GRID1: variants seen among roughly 807,000 people sequenced by gnomAD.
GRID1 encodes the protein glutamate ionotropic receptor delta type subunit 1, also known as glutamate receptor ionotropic, delta-1.
GRID1 carries 28 observed loss-of-function variants against 98.0 expected under a neutral mutation model. That is an observed-to-expected ratio of 0.29 (90% CI 0.21 to 0.39). The LOEUF is 0.39. Among genes scored for constraint, GRID1 ranks in the 10% least tolerant of loss-of-function variants. The probability of loss-of-function intolerance (pLI) is 1.00; values close to 1 mark genes in which losing one functional copy is unlikely to be tolerated. For missense variants in GRID1, 1,111 were observed against 1,340.5 expected (o/e 0.83, Z 2.67); for synonymous variants, 553 against 538.5 (o/e 1.03, Z -0.37).
intron 5 of GRID1, among the ~76,000 whole-genome samples, chr10:85,884,967 TA>T (rs59697659): frequency 4.0e-5 from 6 of 150,760 alleles, no homozygotes; most frequent in East Asian, 1.9e-4. Flanking sequence ...CATCAGAAAG[TA>T]AAAAAAAAGA....
chr10:86,006,705 T>A (rs1015022002), intron 4 of GRID1, among the ~76,000 whole-genome samples: 7 of 152,122 alleles, frequency 4.6e-5, no homozygotes, highest in Admixed American at 1.3e-4. Flanking sequence ...GAAAAGGATT[T>A]TTTTTTTCTT....
At chr10:85,951,213 C>A (rs1319050861) in intron 4 of GRID1, among the ~76,000 whole-genome samples, 1 of 152,184 alleles carries the variant, frequency 6.6e-6, no homozygotes, top group Non-Finnish European at 1.5e-5. Flanking sequence ...GAACCAGACT[C>A]TGGGCTCCAG....
intron 12 of GRID1, among the ~76,000 whole-genome samples, chr10:85,707,224 G>A (rs1841530703): frequency 6.6e-6 from 1 of 151,916 alleles, no homozygotes; most frequent in Non-Finnish European, 1.5e-5. Context: ...CTGACAAAGG[G>A]CTAACATCCA....
intron 8 of GRID1, among the ~76,000 whole-genome samples, chr10:85,761,529 A>G (rs924434192): frequency 1.3e-5 from 2 of 152,220 alleles, no homozygotes; most frequent in African/African-American, 4.8e-5. Flanking sequence ...CAGGCATACA[A>G]ATTAGCAATT....
intron 12 of GRID1, among the ~76,000 whole-genome samples, chr10:85,697,235 T>C (rs1412440938): frequency 2.0e-5 from 3 of 152,160 alleles, no homozygotes; most frequent in African/African-American, 4.8e-5. Context: ...ATTTTGACTA[T>C]ATTAGATTTT....
rs572398756 is a variant in GRID1, at chr10:85,761,654, A to G, written c.1234-32040T>C. Among the ~76,000 whole-genome samples, 3 of 152,328 alleles carry G rather than the reference A, an allele frequency of 2.0e-5. No homozygotes were observed. The East Asian group carries it at 5.8e-4, about 29-fold the overall frequency. On this transcript the variant is annotated intron_variant, in intron 8 of 15. Transcript: ENST00000327946. Reference sequence around the variant, plus strand: ...AGTTCTAAACGGTGCTAGCCAGCTTAAGGGAGGAAGCTGGGATAGAGGCCA... The same window carrying G: ...AGTTCTAAACGGTGCTAGCCAGCTTGAGGGAGGAAGCTGGGATAGAGGCCA...
intron 2 of GRID1, among the ~76,000 whole-genome samples, chr10:86,228,281 T>C (rs535528009): frequency 4.4e-4 from 26 of 58,978 alleles, no homozygotes; most frequent in Non-Finnish European, 7.6e-4. Flanking sequence ...TGGTGAGGAG[T>C]GAATGGGGGT....
chr10:85,974,217 A>G (rs1842443177), intron 4 of GRID1, among the ~76,000 whole-genome samples: 1 of 152,212 alleles, frequency 6.6e-6, no homozygotes, highest in Admixed American at 6.5e-5. Context: ...AAATAAATTC[A>G]TCAGTCAATA....
At chr10:86,267,091 TG>T (rs1413028251) in intron 2 of GRID1, among the ~76,000 whole-genome samples, 1 of 152,176 alleles carries the variant, frequency 6.6e-6, no homozygotes, top group Non-Finnish European at 1.5e-5. Context: ...GGAAAGTGCT[TG>T]GCACACAGCA....
chr10:86,334,157 G>A (rs1848191664), intron 2 of GRID1, among the ~76,000 whole-genome samples: 1 of 152,106 alleles, frequency 6.6e-6, no homozygotes, highest in African/African-American at 2.4e-5. Flanking sequence ...AGAACAAACT[G>A]TGTTCCATTT....
At chr10:85,644,930 T>C (rs1439836641) in intron 13 of GRID1, among the ~76,000 whole-genome samples, 1 of 152,258 alleles carries the variant, frequency 6.6e-6, no homozygotes, top group Non-Finnish European at 1.5e-5. Flanking sequence ...CTTCATTTGA[T>C]TACTGGCCAT....
chr10:85,914,838 A>G (rs959643640), intron 5 of GRID1, among the ~76,000 whole-genome samples: 1 of 152,238 alleles, frequency 6.6e-6, no homozygotes, highest in African/African-American at 2.4e-5. Context: ...GCTGAAGGCC[A>G]TAGCCATGAT....
At chr10:85,993,238 A>AC (rs1270773789) in intron 4 of GRID1, among the ~76,000 whole-genome samples, 3 of 152,118 alleles carry the variant, frequency 2.0e-5, no homozygotes, top group Non-Finnish European at 4.4e-5. Flanking sequence ...GTGGGAGAGG[A>AC]CAGTGGGCAG....
chr10:86,045,863 T>C (rs1190290554), intron 4 of GRID1, among the ~76,000 whole-genome samples: 2 of 152,218 alleles, frequency 1.3e-5, no homozygotes, highest in Non-Finnish European at 2.9e-5. Context: ...CTGCACTGGC[T>C]GAAACCGTAG....
intron 3 of GRID1, among the ~76,000 whole-genome samples, chr10:86,153,193 G>A (rs1194405110): frequency 6.6e-6 from 1 of 152,114 alleles, no homozygotes; most frequent in Non-Finnish European, 1.5e-5. Context: ...CTGAGTCTGG[G>A]TGCAAAGGAA....
chr10:85,829,280 A>G lies in GRID1; in HGVS notation c.1233+25216T>C, dbSNP rs73330580. On this transcript the variant is annotated intron_variant, in intron 8 of 15. Transcript: ENST00000327946. ...CCTTAATGTTAAAAACCCTCAACAA[A>G]CTAGGCATTAAAATAACATACCTCA... Among the ~76,000 whole-genome samples the G allele has an allele frequency of 4.0e-3, 612 of 152,268 alleles. 2 individuals carry two copies. The highest frequency in any genetic ancestry group is 0.014 in the African/African-American group (575 of 41,550).
chr10:85,928,553 G>A (rs935530265), intron 4 of GRID1, among the ~76,000 whole-genome samples: 3 of 152,222 alleles, frequency 2.0e-5, no homozygotes, highest in East Asian at 1.9e-4. Flanking sequence ...AAAGTGGCAC[G>A]ACAGGAAGCT....
rs1003593918 is a variant in GRID1, at chr10:85,629,204, CT to C, written c.2194-9172del. On this transcript the variant is annotated intron_variant, in intron 13 of 15. Coordinates refer to ENST00000327946, the MANE Select transcript of GRID1 (RefSeq NM_017551.3). ...TGCATCTCAAAAAGGCCACCAATCC[CT>C]TTTTTTCCATGAGTTCCTTTTCTTT... 3.3e-5 allele frequency among the ~76,000 whole-genome samples: 5 copies of C among 152,284 alleles called. 1 individual carries two copies. Among genetic ancestry groups the C allele is most frequent in the Admixed American group, 6.5e-5 (1 of 15,302 alleles).
At chr10:86,292,277 G>A (rs1226884256) in intron 2 of GRID1, among the ~76,000 whole-genome samples, 1 of 152,244 alleles carries the variant, frequency 6.6e-6, no homozygotes, top group Non-Finnish European at 1.5e-5. Context: ...GCAGGCCTCA[G>A]AGCTGCAGGA....
Sources: gnomAD v4.1 joint callset for allele counts (sites outside exome capture counted in the v4.1 genomes callset) on GRCh38, gnomAD v4.1.1 for gene constraint, MANE v1.5 for transcripts, NCBI Gene and HGNC (gene_info 2026-07-23, HGNC 2026-07-21) for gene names.